The following TRAK2 variants were observed in gnomAD, a reference collection of about 807,000 sequenced individuals.
TRAK2 encodes the protein trafficking kinesin protein 2.
A neutral mutation model predicts 104.6 loss-of-function variants in TRAK2; 81 were observed. The ratio of observed to expected loss-of-function variants is 0.77; its 90% confidence interval spans 0.65 to 0.93. The LOEUF is 0.93. Among genes scored for constraint, TRAK2 ranks in the 40% least tolerant of loss-of-function variants. The pLI is 0.00. For missense variants in TRAK2, 1,002 were observed against 1,089.0 expected (o/e 0.92, Z 1.12); for synonymous variants, 406 against 394.4 (o/e 1.03, Z -0.35).
chr2:201,407,257 T>G (rs1328061218), intron 3 of TRAK2, 146 bp downstream of exon 3: 2 of 681,344 alleles, frequency 2.9e-6, no homozygotes, highest in African/African-American at 3.7e-5. Flanking sequence ...TAACACAGAA[T>G]TATCTCTTCC....
chr2:201,439,033 A>T (rs1321298112), intron 1 of TRAK2, among the ~76,000 whole-genome samples: 2 of 152,244 alleles, frequency 1.3e-5, no homozygotes, highest in Non-Finnish European at 2.9e-5. Context: ...ATAAAAAATA[A>T]ATCTCTATTC....
At chr2:201,419,442 C>T (rs1358229925) in intron 2 of TRAK2, 1 of 154,658 alleles carries the variant, frequency 6.5e-6, no homozygotes, top group African/African-American at 2.4e-5. Context: ...ATCTCAAAAA[C>T]ATTTTGCTGT....
intron 10 of TRAK2, among the ~76,000 whole-genome samples, chr2:201,392,109 CTTACTG>C (rs2125643506): frequency 6.6e-6 from 1 of 152,122 alleles, no homozygotes; most frequent in South Asian, 2.1e-4. Flanking sequence ...ATATCAGCAA[CTTACTG>C]TTAAAATAGC....
intron 1 of TRAK2, among the ~76,000 whole-genome samples, chr2:201,443,577 A>G (rs762206144): frequency 1.3e-5 from 2 of 152,124 alleles, no homozygotes; most frequent in Non-Finnish European, 1.5e-5. Context: ...GTGACTCCCA[A>G]TCTGGCTCTT....
chr2:201,386,338 C>G lies in TRAK2; in HGVS notation c.1843G>C (p.Glu615Gln), dbSNP rs766953562. Residue 615 changes from glutamate (E) to glutamine (Q), a missense_variant, in exon 14 of 16, where the codon GAG becomes CAG. Physicochemically the swap from Glu to Gln is conservative, Grantham distance 29. Transcript: ENST00000332624. Reference protein sequence around the residue: ...YHISDLEEDEEEGITFQVQQP... With the variant: ...YHISDLEEDEQEGITFQVQQP... Reference sequence around the variant, plus strand: ...TGAACCTGAAAAGTAATACCCTCCTCTTCATCCTCTTCTAAATCTGAGATG... The same window carrying G: ...TGAACCTGAAAAGTAATACCCTCCTGTTCATCCTCTTCTAAATCTGAGATG... 6 of 1,614,054 alleles carry G rather than the reference C, an allele frequency of 3.7e-6. No homozygotes were observed. Among genetic ancestry groups the G allele is most frequent in the Non-Finnish European group, 5.1e-6 (6 of 1,180,038 alleles).
intron 1 of TRAK2, among the ~76,000 whole-genome samples, chr2:201,437,967 T>C (rs776047300): frequency 2.0e-5 from 3 of 152,230 alleles, no homozygotes; most frequent in Non-Finnish European, 4.4e-5. Flanking sequence ...TTGTACTGTA[T>C]ATCAAGATCA....
chr2:201,412,169 A>G, intron 2 of TRAK2: 1 of 970,936 alleles, frequency 1.0e-6, no homozygotes, highest in South Asian at 1.3e-5. Flanking sequence ...AAAAGGTACC[A>G]TGTCAGGGTT....
Position 201,380,411 on chromosome 2 carries a change from C to T in TRAK2, c.*132G>A, listed in dbSNP as rs948819717. On this transcript the variant is annotated 3_prime_UTR_variant, in exon 16 of 16. Transcript: ENST00000332624. Reference sequence around the variant, plus strand: ...TCATCCCAATTTTATTTCCATTCCTCCATTCCCCCTTTCACATTCACAACC... The same window carrying T: ...TCATCCCAATTTTATTTCCATTCCTTCATTCCCCCTTTCACATTCACAACC... 4 of 950,702 alleles carry T rather than the reference C, an allele frequency of 4.2e-6. No homozygotes were observed. The highest frequency in any genetic ancestry group is 6.2e-6 in the Non-Finnish European group (4 of 642,424). 58.9% of individuals were successfully genotyped at this position (950,702 alleles called of 1,614,324 possible).
intron 3 of TRAK2, 39 bp downstream of exon 3, chr2:201,407,364 C>T (rs546003851): frequency 6.4e-7 from 1 of 1,554,722 alleles, no homozygotes; most frequent in Admixed American, 1.8e-5. Context: ...ATGATCATTA[C>T]TTTAATGCAC....
chr2:201,395,541 C>T, intron 7 of TRAK2, 97 bp from the exon 8 acceptor site: 1 of 1,251,912 alleles, frequency 8.0e-7, no homozygotes, highest in Non-Finnish European at 1.1e-6. Flanking sequence ...ATAACAAGCA[C>T]TGGACTGTCG....
chr2:201,403,258 G>C (rs1350616226), intron 3 of TRAK2, among the ~76,000 whole-genome samples: 5 of 152,174 alleles, frequency 3.3e-5, no homozygotes, highest in Non-Finnish European at 7.4e-5. Flanking sequence ...TGAACCTTAA[G>C]AAGTTATCTA....
intron 1 of TRAK2, among the ~76,000 whole-genome samples, chr2:201,444,332 C>A (rs929840946): frequency 1.3e-5 from 2 of 152,076 alleles, no homozygotes; most frequent in Non-Finnish European, 2.9e-5. Flanking sequence ...CTGGCCCCTG[C>A]CTGCTTCTCC....
chr2:201,420,558 G>C lies in TRAK2; in HGVS notation c.-51C>G, dbSNP rs964384179. 3 of 1,438,134 alleles carry C rather than the reference G, an allele frequency of 2.1e-6. No homozygotes were observed. In the African/African-American group the frequency reaches 4.2e-5, roughly 20 times the overall value. The allele number at this position is 1,438,134 out of a possible 1,614,324, so 89.1% of individuals were successfully genotyped here. A position where few individuals can be genotyped will look rare whatever the true frequency, so the allele number is the denominator to read the frequency against. On this transcript the variant is annotated 5_prime_UTR_variant, in exon 2 of 16. Coordinates refer to ENST00000332624, the MANE Select transcript of TRAK2 (RefSeq NM_015049.3). ...AGAAGGACAGCTTTGGTATGAATCA[G>C]AGTAAAGGAAATCCATCAAGCCATT...
intron 1 of TRAK2, among the ~76,000 whole-genome samples, chr2:201,429,699 GT>G (rs1433489563): frequency 6.6e-5 from 10 of 152,180 alleles, no homozygotes; most frequent in Non-Finnish European, 1.3e-4. Flanking sequence ...TTGTGCCATG[GT>G]TTTCAGCTCC....
At chr2:201,389,607 C>A in intron 11 of TRAK2, 104 bp from the exon 12 acceptor site, 1 of 1,174,594 alleles carries the variant, frequency 8.5e-7, no homozygotes, top group Non-Finnish European at 1.2e-6. Context: ...CCCTGAGGAG[C>A]TATTTAGGAG....
At chr2:201,388,214 A>G in intron 12 of TRAK2, 1 of 569,330 alleles carries the variant, frequency 1.8e-6, no homozygotes, top group Non-Finnish European at 3.2e-6. Context: ...TTGAAAGGCA[A>G]GATAATACTT....
intron 1 of TRAK2, among the ~76,000 whole-genome samples, chr2:201,433,981 C>G (rs1157622360): frequency 2.0e-5 from 3 of 151,544 alleles, no homozygotes; most frequent in Middle Eastern, 3.2e-3. Flanking sequence ...TTTTTGAGAC[C>G]GAGTCTCGCT....
Position 201,390,561 on chromosome 2 carries a change from C to T in TRAK2, c.1114-681G>A, listed in dbSNP as rs6717995. On this transcript the variant is annotated intron_variant, in intron 10 of 15. Transcript: ENST00000332624. ...TCTGGGTGACAGAGCGAGACTCCGT[C>T]TCAAAAAAAAAAAAAAAAAAGTAAA... 4.7e-3 allele frequency among the ~76,000 whole-genome samples: 357 copies of T among 76,516 alleles called. 1 individual carries two copies. The highest frequency in any genetic ancestry group is 0.012 in the African/African-American group (292 of 24,872). 50.2% of individuals were successfully genotyped at this position (76,516 alleles called of 152,430 possible).
intron 11 of TRAK2, 131 bp downstream of exon 11, chr2:201,389,670 A>G: frequency 1.9e-6 from 2 of 1,075,906 alleles, no homozygotes; most frequent in Non-Finnish European, 2.7e-6. Context: ...CAAAAAAAGG[A>G]CACTGTGAGG....
Sources: allele counts gnomAD v4.1 joint callset (sites outside exome capture counted in the v4.1 genomes callset), GRCh38; gene constraint gnomAD v4.1.1; transcripts MANE v1.5; gene names NCBI Gene and HGNC (gene_info 2026-07-23, HGNC 2026-07-21).